MEIS2: variants seen among roughly 807,000 people sequenced by gnomAD.
MEIS2 encodes the protein homeobox protein Meis2.
MEIS2 carries 9 observed loss-of-function variants against 58.6 expected under a neutral mutation model. That is an observed-to-expected ratio of 0.15 (90% CI 0.09 to 0.27). The LOEUF is 0.27. Ranked by LOEUF, MEIS2 falls within the 10% of genes least tolerant of loss-of-function variation. The pLI is 1.00. For missense variants in MEIS2, 427 were observed against 635.0 expected (o/e 0.67, Z 3.52); for synonymous variants, 221 against 228.4 (o/e 0.97, Z 0.29).
At position 36,889,843 on chromosome 15, in the gene MEIS2, C is replaced by T. The variant is rs2055789885; in HGVS notation, c.*2330G>A. 6.6e-6 allele frequency: 1 copy of T among 152,008 alleles called. No individual in the cohort carries two copies. The highest frequency in any genetic ancestry group is 2.4e-5 in the African/African-American group (1 of 41,400). The allele number at this position is 152,008 out of a possible 1,614,324, so 9.4% of individuals were successfully genotyped here. ...AAAGACTTCATGTAAAATAGAATAG[C>T]AAAAATGAGAGGGAAGCTATCTCTC... On this transcript the variant is annotated 3_prime_UTR_variant, in exon 12 of 12. Coordinates refer to ENST00000561208, the MANE Select transcript of MEIS2 (RefSeq NM_170675.5).
intron 7 of MEIS2, among the ~76,000 whole-genome samples, chr15:37,078,395 C>T (rs1453322451): frequency 6.7e-6 from 1 of 149,590 alleles, no homozygotes; most frequent in Non-Finnish European, 1.5e-5. Context: ...ATATGGTTCT[C>T]TTTCAATTAC....
intron 8 of MEIS2, among the ~76,000 whole-genome samples, chr15:36,995,162 C>T (rs1191590717): frequency 6.6e-6 from 1 of 152,202 alleles, no homozygotes; most frequent in Non-Finnish European, 1.5e-5. Flanking sequence ...TCTCTGTTCT[C>T]CTCCCTGATA....
intron 8 of MEIS2, among the ~76,000 whole-genome samples, chr15:36,985,105 A>G (rs1398507400): frequency 6.6e-6 from 1 of 152,036 alleles, no homozygotes; most frequent in African/African-American, 2.4e-5. Context: ...ACTCTTGACT[A>G]TCACTTTTAT....
At chr15:36,975,155 T>C (rs2059697354) in intron 8 of MEIS2, among the ~76,000 whole-genome samples, 1 of 152,208 alleles carries the variant, frequency 6.6e-6, no homozygotes, top group Admixed American at 6.5e-5. Flanking sequence ...CATGAAAACA[T>C]AGTCTTATGT....
intron 9 of MEIS2, among the ~76,000 whole-genome samples, chr15:36,912,014 T>C (rs1326777702): frequency 1.3e-5 from 2 of 152,158 alleles, no homozygotes; most frequent in African/African-American, 4.8e-5. Context: ...TTATTCACTT[T>C]GTTGTATTAA....
intron 7 of MEIS2, among the ~76,000 whole-genome samples, chr15:37,039,212 G>A (rs569419050): frequency 6.6e-6 from 1 of 152,336 alleles, no homozygotes; most frequent in South Asian, 2.1e-4. Flanking sequence ...ATATCTTTGT[G>A]TGTAATATGA....
chr15:37,002,948 C>T (rs2060787489), intron 8 of MEIS2, among the ~76,000 whole-genome samples: 1 of 152,124 alleles, frequency 6.6e-6, no homozygotes, highest in African/African-American at 2.4e-5. Context: ...CTGTTTTTAT[C>T]AGAGCCATCC....
intron 8 of MEIS2, among the ~76,000 whole-genome samples, chr15:36,950,981 G>T (rs927571287): frequency 6.6e-6 from 1 of 152,112 alleles, no homozygotes. Flanking sequence ...GACAACAGAA[G>T]ATTCTTTCAT....
chr15:36,998,236 G>GTTT (rs5811954), intron 8 of MEIS2, among the ~76,000 whole-genome samples: 3,824 of 66,618 alleles, frequency 0.057, 118 homozygotes, highest in Non-Finnish European at 0.079. Context: ...AAAACACAAA[G>GTTT]TTTTTTTTTT....
intron 7 of MEIS2, among the ~76,000 whole-genome samples, chr15:37,043,055 TCAAA>T (rs912957922): frequency 2.0e-5 from 3 of 152,172 alleles, no homozygotes; most frequent in African/African-American, 7.2e-5. Context: ...TGGCACACTG[TCAAA>T]CAAACACCTA....
intron 7 of MEIS2, among the ~76,000 whole-genome samples, chr15:37,075,713 C>T (rs1317123494): frequency 6.6e-6 from 1 of 151,890 alleles, no homozygotes; most frequent in Non-Finnish European, 1.5e-5. Context: ...AATTACAACG[C>T]AGTGTGAAAG....
Position 36,950,315 on chromosome 15 carries a change from G to A in MEIS2, c.977+9C>T, listed in dbSNP as rs545595257. The A allele has an allele frequency of 2.5e-6, 4 of 1,605,854 alleles. No individual in the cohort carries two copies. The South Asian group carries it at 3.3e-5, about 13-fold the overall frequency. The stretch of plus-strand genomic sequence containing the variant: ...ATGGGAGAAAGACATTGATTTTTGG[G>A]TCACTCACCAGTTGTTTACTTGGAG... On this transcript the variant is annotated intron_variant, in intron 9 of 11. Coordinates refer to ENST00000561208, the MANE Select transcript of MEIS2 (RefSeq NM_170675.5).
At chr15:37,074,847 T>C (rs773221143) in intron 7 of MEIS2, among the ~76,000 whole-genome samples, 27 of 152,064 alleles carry the variant, frequency 1.8e-4, no homozygotes, top group Non-Finnish European at 3.1e-4. Flanking sequence ...CTTTTGAGCA[T>C]AGGTCTCGAC....
At chr15:37,036,554 T>C (rs2062162937) in intron 8 of MEIS2, 1 of 306,008 alleles carries the variant, frequency 3.3e-6, no homozygotes, top group Non-Finnish European at 5.9e-6. Context: ...AATTTACTTA[T>C]ATATGCTGTT....
chr15:36,925,237 T>A lies in MEIS2; in HGVS notation c.977+25087A>T, dbSNP rs538311362. Among the ~76,000 whole-genome samples, 12 of 152,344 alleles carry A rather than the reference T, an allele frequency of 7.9e-5. No homozygotes were observed. In the East Asian group the frequency reaches 2.3e-3, roughly 29 times the overall value. ...TCAAATGATGAGCTCAATTCCAGCCTTGCTAGGTGCACTTGACTCCCAGCC... is the reference window on the plus strand; with the variant it reads ...TCAAATGATGAGCTCAATTCCAGCCATGCTAGGTGCACTTGACTCCCAGCC... On this transcript the variant is annotated intron_variant, in intron 9 of 11. Transcript: ENST00000561208.
intron 9 of MEIS2, among the ~76,000 whole-genome samples, chr15:36,929,449 C>T (rs1429966148): frequency 6.6e-6 from 1 of 152,200 alleles, no homozygotes; most frequent in Non-Finnish European, 1.5e-5. Context: ...AGTTTCCCTA[C>T]ATTTTGAGAT....
chr15:37,018,923 T>C (rs1472636440), intron 8 of MEIS2, among the ~76,000 whole-genome samples: 1 of 152,088 alleles, frequency 6.6e-6, no homozygotes, highest in African/African-American at 2.4e-5. Context: ...CTCTGGGTAA[T>C]GACAGTCCCA....
rs762490597 is a variant in MEIS2 at position 37,093,658 on chromosome 15, C to T, written c.562G>A (p.Val188Ile). ...GAGCTGCCGTCTCTTTCATCAATGA[C>T]GAGGTCGATGGGCATTTTCCCCTTC... ...CLKGKMPIDL[V>I]IDERDGSSKS... is the part of the protein sequence containing the mutation. Residue 188 changes from valine (V) to isoleucine (I), a missense_variant, in exon 6 of 12, where the codon GTC becomes ATC. By Grantham distance (29) the Val-to-Ile change is conservative. Around this residue, in one of 6 missense-constraint regions of MEIS2, gnomAD observed 138 missense variants for 263.0 expected, o/e 0.52. Transcript: ENST00000561208. 4.3e-6 allele frequency: 7 copies of T among 1,614,104 alleles called. No individual in the cohort carries two copies. The highest frequency in any genetic ancestry group is 5.9e-6 in the Non-Finnish European group (7 of 1,180,028).
At chr15:36,954,528 A>C (rs2058885617) in intron 8 of MEIS2, among the ~76,000 whole-genome samples, 1 of 150,436 alleles carries the variant, frequency 6.6e-6, no homozygotes, top group Non-Finnish European at 1.5e-5. Flanking sequence ...TCATATCTTT[A>C]AGAAACTATA....
Sources: allele counts gnomAD v4.1 joint callset (sites outside exome capture counted in the v4.1 genomes callset), GRCh38; gene constraint gnomAD v4.1.1; regional missense constraint gnomAD v4.1.1; transcripts MANE v1.5; gene names NCBI Gene and HGNC (gene_info 2026-07-23, HGNC 2026-07-21).